The following ABI3BP variants were observed in gnomAD, a reference collection of about 807,000 sequenced individuals.
ABI3BP encodes target of Nesh-SH3.
In ABI3BP, 216 loss-of-function variants were observed where a neutral mutation model predicts 268.6. That is an observed-to-expected ratio of 0.80 (90% CI 0.72 to 0.90). ABI3BP has a LOEUF of 0.90. ABI3BP is among the 40% of genes least tolerant of loss of function. ABI3BP has a pLI of 0.00. For synonymous variants in ABI3BP, 730 were observed against 730.0 expected (o/e 1.00, Z 0.00); for missense variants, 2,090 against 2,182.4 (o/e 0.96, Z 0.84).
chr3:100,808,650 T>C (rs534345656), intron 49 of ABI3BP, among the ~76,000 whole-genome samples: 7 of 152,222 alleles, frequency 4.6e-5, no homozygotes, highest in Admixed American at 3.3e-4. Flanking sequence ...AGCCCAAATA[T>C]ATAATGTATT....
chr3:100,757,513 G>A (rs1334951631), intron 63 of ABI3BP, among the ~76,000 whole-genome samples: 3 of 152,108 alleles, frequency 2.0e-5, no homozygotes, highest in South Asian at 2.1e-4. Context: ...ATCCTAATAT[G>A]TCCAGCTAAA....
At chr3:100,841,188 A>C (rs982034375) in intron 21 of ABI3BP, among the ~76,000 whole-genome samples, 8 of 96,836 alleles carry the variant, frequency 8.3e-5, no homozygotes, top group African/African-American at 3.3e-4. Flanking sequence ...AGATGGCATT[A>C]GAACACTTTT....
rs574091625 is a variant in ABI3BP at position 100,823,402 on chromosome 3, C to T, written c.2803+56G>A. On this transcript the variant is annotated intron_variant, in intron 37 of 67. Coordinates refer to ENST00000471714, the MANE Select transcript of ABI3BP (RefSeq NM_001375547.2). Reference sequence around the variant, plus strand: ...TGTTGTCTCAAGAAACAAATTGAAACTCTAGGTTTGACAATAAGCAAAAGA... The same window carrying T: ...TGTTGTCTCAAGAAACAAATTGAAATTCTAGGTTTGACAATAAGCAAAAGA... 4.7e-5 allele frequency: 67 copies of T among 1,415,612 alleles called. 1 individual carries two copies. In the South Asian group the frequency reaches 7.1e-4, roughly 15 times the overall value. 87.7% of individuals were successfully genotyped at this position (1,415,612 alleles called of 1,614,324 possible).
rs985992947 is a variant in ABI3BP at position 100,811,084 on chromosome 3, A to G, written c.3541+146T>C. 5 of 627,040 alleles carry G rather than the reference A, an allele frequency of 8.0e-6. No homozygotes were observed. In the Admixed American group the frequency reaches 1.7e-4, roughly 21 times the overall value. 38.8% of individuals were successfully genotyped at this position (627,040 alleles called of 1,614,324 possible). A position where few individuals can be genotyped will look rare whatever the true frequency, so the allele number is the denominator to read the frequency against. Reference sequence around the variant, plus strand: ...GGACATTTTTGGACAATGGTTATGGATAGGAGCACCTTGAAAGAAAAGTAA... The same window carrying G: ...GGACATTTTTGGACAATGGTTATGGGTAGGAGCACCTTGAAAGAAAAGTAA... On this transcript the variant is annotated intron_variant, in intron 48 of 67. Coordinates refer to ENST00000471714, the MANE Select transcript of ABI3BP (RefSeq NM_001375547.2).
chr3:100,901,985 TC>T (rs2050651752), intron 3 of ABI3BP, among the ~76,000 whole-genome samples: 1 of 152,170 alleles, frequency 6.6e-6, no homozygotes, highest in Non-Finnish European at 1.5e-5. Flanking sequence ...TATTTATATA[TC>T]CACTTTCCTG....
At chr3:100,852,195 A>T (rs937650943) in intron 14 of ABI3BP, among the ~76,000 whole-genome samples, 1 of 152,142 alleles carries the variant, frequency 6.6e-6, no homozygotes, top group Non-Finnish European at 1.5e-5. Context: ...TGATGAGAAC[A>T]TAGTGCTATA....
intron 4 of ABI3BP, among the ~76,000 whole-genome samples, chr3:100,896,548 G>A (rs1193828569): frequency 1.3e-5 from 2 of 152,122 alleles, no homozygotes. Context: ...GATTCATCAA[G>A]CAAGTTGAGT....
At chr3:100,939,222 A>G (rs2067703152) in intron 1 of ABI3BP, among the ~76,000 whole-genome samples, 1 of 152,122 alleles carries the variant, frequency 6.6e-6, no homozygotes, top group South Asian at 2.1e-4. Context: ...GTGGGCAGTG[A>G]ACATGTAGCT....
intron 63 of ABI3BP, among the ~76,000 whole-genome samples, chr3:100,760,704 A>G (rs2149510593): frequency 6.6e-6 from 1 of 152,336 alleles, no homozygotes; most frequent in South Asian, 2.1e-4. Flanking sequence ...TTATTAAGGC[A>G]TACTTTATCA....
At chr3:100,812,409 C>T in intron 46 of ABI3BP, 58 bp downstream of exon 46, 1 of 1,150,192 alleles carries the variant, frequency 8.7e-7, no homozygotes, top group Non-Finnish European at 1.1e-6. Context: ...CCAGAGATGA[C>T]TTTGCAATGA....
intron 66 of ABI3BP, 92 bp downstream of exon 66, chr3:100,752,695 C>A: frequency 7.1e-7 from 1 of 1,409,446 alleles, no homozygotes. Context: ...CCCATTCGTG[C>A]CTGAAACTCT....
intron 51 of ABI3BP, among the ~76,000 whole-genome samples, chr3:100,798,314 A>G (rs1237051338): frequency 1.3e-5 from 2 of 152,176 alleles, no homozygotes; most frequent in East Asian, 3.8e-4. Context: ...AATCAGTGGA[A>G]AGGAAAGAAA....
chr3:100,821,018 G>GTTCC (rs2098203677), intron 39 of ABI3BP, 36 bp downstream of exon 39: 1 of 1,508,132 alleles, frequency 6.6e-7, no homozygotes, highest in African/African-American at 1.4e-5. Context: ...CGATGAGAAG[G>GTTCC]AAGAACACTT....
chr3:100,788,089 C>T (rs1293433513), intron 56 of ABI3BP, among the ~76,000 whole-genome samples: 1 of 152,092 alleles, frequency 6.6e-6, no homozygotes, highest in Non-Finnish European at 1.5e-5. Context: ...GATCTTGTTT[C>T]ATTTATAGGC....
intron 6 of ABI3BP, among the ~76,000 whole-genome samples, chr3:100,881,076 A>G (rs1216900532): frequency 1.3e-5 from 2 of 152,208 alleles, no homozygotes; most frequent in African/African-American, 4.8e-5. Flanking sequence ...TACTGACTCA[A>G]TCTAACATCT....
At chr3:100,831,290 G>C (rs1579478650) in intron 31 of ABI3BP, among the ~76,000 whole-genome samples, 1 of 152,114 alleles carries the variant, frequency 6.6e-6, no homozygotes, top group East Asian at 1.9e-4. Context: ...GAGGGAAAGA[G>C]AGAGGATGAG....
At chr3:100,806,328 C>G (rs2097705517) in intron 50 of ABI3BP, among the ~76,000 whole-genome samples, 1 of 152,026 alleles carries the variant, frequency 6.6e-6, no homozygotes, top group African/African-American at 2.4e-5. Context: ...TGCATATAAA[C>G]AGGACACTCT....
chr3:100,846,352 A>G lies in ABI3BP; in HGVS notation c.1723+20T>C. ...TTCAACCCCACTTTTGGAATATTCA[A>G]AAAAGTTTAGGGTAATTACCAGGTT... On this transcript the variant is annotated intron_variant, in intron 20 of 67. Transcript: ENST00000471714. 2.6e-6 allele frequency: 4 copies of G among 1,537,406 alleles called. No homozygotes were observed. The highest frequency in any genetic ancestry group is 2.3e-5 in the East Asian group (1 of 43,650).
Position 100,828,445 on chromosome 3 carries a change from AGCAGG to A in ABI3BP, c.2545_2549del (p.Pro849TyrfsTer4). 6.5e-7 allele frequency: 1 copy of A among 1,534,968 alleles called. No homozygotes were observed. The highest frequency in any genetic ancestry group is 8.7e-7 in the Non-Finnish European group (1 of 1,146,148). ...TAGGAGAAACTGGTTCAAAGATTGT[AGCAGG>A]AACTGGCCAAAAATAATAAAAATAA... On this transcript the variant is annotated frameshift_variant and splice_region_variant, in exon 34 of 68. Coordinates refer to ENST00000471714, the MANE Select transcript of ABI3BP (RefSeq NM_001375547.2). LOFTEE classifies it high-confidence loss of function.
Sources: allele counts gnomAD v4.1 joint callset (sites outside exome capture counted in the v4.1 genomes callset), GRCh38; gene constraint gnomAD v4.1.1; transcripts MANE v1.5; gene names NCBI Gene and HGNC (gene_info 2026-07-23, HGNC 2026-07-21).